LRP2: variants seen among roughly 807,000 people sequenced by gnomAD.
LRP2 encodes the protein low-density lipoprotein receptor-related protein 2.
A neutral mutation model predicts 531.0 loss-of-function variants in LRP2; 172 were observed. The ratio of observed to expected loss-of-function variants is 0.32; its 90% CI spans 0.29 to 0.37. The LOEUF (loss-of-function observed/expected upper bound fraction) is 0.37. Among genes scored for constraint, LRP2 ranks in the 10% least tolerant of loss-of-function variants. The pLI is 1.00. For synonymous variants in LRP2, 1,992 were observed against 2,027.6 expected (o/e 0.98, Z 0.47); for missense variants, 5,167 against 5,868.3 (o/e 0.88, Z 3.90).
chr2:169,224,850 G>T (rs1689142132), intron 33 of LRP2, among the ~76,000 whole-genome samples: 1 of 152,156 alleles, frequency 6.6e-6, no homozygotes, highest in Non-Finnish European at 1.5e-5. Context: ...AACACTTTGG[G>T]AGGTCAAGGC....
At chr2:169,320,641 AC>A in intron 2 of LRP2, 135 bp downstream of exon 2, 1 of 740,482 alleles carries the variant, frequency 1.4e-6, no homozygotes, top group Non-Finnish European at 2.5e-6. Context: ...ATTCAACCAC[AC>A]AGATCTCAAA....
chr2:169,322,708 T>C (rs1684939606), intron 1 of LRP2, among the ~76,000 whole-genome samples: 1 of 152,216 alleles, frequency 6.6e-6, no homozygotes, highest in Non-Finnish European at 1.5e-5. Flanking sequence ...TCCAACATAA[T>C]ACATTTGTAA....
At chr2:169,199,995 A>T (rs1056761770) in intron 44 of LRP2, among the ~76,000 whole-genome samples, 9 of 152,218 alleles carry the variant, frequency 5.9e-5, no homozygotes, top group African/African-American at 1.9e-4. Flanking sequence ...TCACGCCTGT[A>T]ATCCCAGCAC....
chr2:169,267,494 C>T (rs752325715), intron 16 of LRP2, among the ~76,000 whole-genome samples: 1 of 152,268 alleles, frequency 6.6e-6, no homozygotes, highest in East Asian at 1.9e-4. Flanking sequence ...ACAACGTGCT[C>T]CTGAATGACT....
chr2:169,224,941 A>G (rs527666180), intron 33 of LRP2, among the ~76,000 whole-genome samples: 137 of 152,116 alleles, frequency 9.0e-4, no homozygotes, highest in African/African-American at 3.2e-3. Context: ...AATACAAAAA[A>G]TTAACTAGGC....
At chr2:169,244,491 G>A (rs944021483) in intron 22 of LRP2, among the ~76,000 whole-genome samples, 1 of 152,174 alleles carries the variant, frequency 6.6e-6, no homozygotes, top group Non-Finnish European at 1.5e-5. Flanking sequence ...CTCAATATTT[G>A]TAGGTGGACT....
At chr2:169,294,323 A>T in intron 5 of LRP2, 62 bp from the exon 6 acceptor site, 1 of 999,806 alleles carries the variant, frequency 1.0e-6, no homozygotes, top group Non-Finnish European at 1.6e-6. Context: ...TAGCCATTTA[A>T]TCTCAAAGGA....
At chr2:169,194,146 G>A (rs1037682030) in intron 46 of LRP2, among the ~76,000 whole-genome samples, 3 of 152,040 alleles carry the variant, frequency 2.0e-5, no homozygotes, top group African/African-American at 7.2e-5. Context: ...TTATGTGTAT[G>A]GTAGAGAAAG....
At chr2:169,327,331 G>A (rs1465034340) in intron 1 of LRP2, among the ~76,000 whole-genome samples, 5 of 117,954 alleles carry the variant, frequency 4.2e-5, no homozygotes, top group African/African-American at 1.0e-4. Flanking sequence ...CCCCCCGCCC[G>A]GCCAGCCGCC....
chr2:169,337,298 C>T (rs981640177), intron 1 of LRP2, among the ~76,000 whole-genome samples: 1 of 152,192 alleles, frequency 6.6e-6, no homozygotes, highest in Non-Finnish European at 1.5e-5. Context: ...ATACCTTCCT[C>T]ACTGGCTTGA....
intron 1 of LRP2, among the ~76,000 whole-genome samples, chr2:169,358,720 A>T (rs986902921): frequency 1.3e-5 from 2 of 152,200 alleles, no homozygotes; most frequent in African/African-American, 4.8e-5. Flanking sequence ...GGACCAGGTA[A>T]GGTGGCTCCT....
At position 169,181,480 on chromosome 2, in the gene LRP2, G is replaced by C; in HGVS notation, c.10137C>G (p.Leu3379=). 3 of 1,614,204 alleles carry C rather than the reference G, an allele frequency of 1.9e-6. No homozygotes were observed. The highest frequency in any genetic ancestry group is 2.5e-6 in the Non-Finnish European group (3 of 1,180,006). The change falls in exon 52 of 79, where the codon CTC becomes CTG. Residue 3379 remains leucine, a synonymous_variant. Coordinates refer to ENST00000649046, the MANE Select transcript of LRP2 (RefSeq NM_004525.3). ...AACCCAGGTGGGCATCTGCCCAGTA[G>C]AGTAGATCATTGGTGTAATCAATGG... The part of the protein sequence containing the change: ...GITIDYTNDL[L]YWADAHLGYI...
chr2:169,333,032 A>G (rs1330394375), intron 1 of LRP2, among the ~76,000 whole-genome samples: 1 of 152,242 alleles, frequency 6.6e-6, no homozygotes, highest in Non-Finnish European at 1.5e-5. Context: ...AATATTGTGC[A>G]GCAAGAGTGC....
intron 9 of LRP2, among the ~76,000 whole-genome samples, chr2:169,286,355 T>C (rs1292549703): frequency 6.6e-6 from 1 of 152,226 alleles, no homozygotes; most frequent in Non-Finnish European, 1.5e-5. Flanking sequence ...AAGATGTCTG[T>C]TGTGGAACTT....
At chr2:169,149,897 T>C (rs1468631811) in intron 68 of LRP2, among the ~76,000 whole-genome samples, 1 of 151,720 alleles carries the variant, frequency 6.6e-6, no homozygotes, top group Admixed American at 6.6e-5. Context: ...TATCAGAGTA[T>C]GATAATAATA....
At chr2:169,214,660 AGGAGAGAGT>A (rs1292652578) in intron 35 of LRP2, among the ~76,000 whole-genome samples, 2 of 152,168 alleles carry the variant, frequency 1.3e-5, no homozygotes, top group South Asian at 2.1e-4. Context: ...ATGAGCCTGG[AGGAGAGAGT>A]GGAGAGAGTG....
intron 17 of LRP2, among the ~76,000 whole-genome samples, chr2:169,258,322 T>C (rs941357650): frequency 2.0e-5 from 3 of 152,090 alleles, no homozygotes; most frequent in African/African-American, 7.2e-5. Flanking sequence ...CATACCTCCT[T>C]CACAAACTAG....
chr2:169,172,644 C>T (rs1687047032), intron 57 of LRP2, among the ~76,000 whole-genome samples: 1 of 152,132 alleles, frequency 6.6e-6, no homozygotes, highest in Admixed American at 6.5e-5. Context: ...CAATAGATAA[C>T]AGGGAAAATC....
At chr2:169,179,783 G>C (rs1342071476) in intron 52 of LRP2, among the ~76,000 whole-genome samples, 1 of 136,042 alleles carries the variant, frequency 7.4e-6, no homozygotes, top group African/African-American at 2.6e-5. Context: ...TGCATCCCAA[G>C]ATGTACAAGG....
Sources: gnomAD v4.1 joint callset for allele counts (sites outside exome capture counted in the v4.1 genomes callset) on GRCh38, gnomAD v4.1.1 for gene constraint, MANE v1.5 for transcripts, NCBI Gene and HGNC (gene_info 2026-07-23, HGNC 2026-07-21) for gene names.